Variants in NELL1 observed in about 807,000 individuals in gnomAD.
The protein encoded by NELL1 is neural EGFL like 1.
In NELL1, 76 loss-of-function variants were observed where a neutral mutation model predicts 107.4. That is an observed-to-expected ratio of 0.71 (90% CI 0.59 to 0.86). The LOEUF (loss-of-function observed/expected upper bound fraction) is 0.86, where lower values mean the gene tolerates loss of function less well. Among genes scored for constraint, NELL1 ranks in the 40% least tolerant of loss-of-function variants. The pLI is 0.00. For synonymous variants in NELL1, 353 were observed against 341.2 expected, an observed-to-expected ratio of 1.03 and a Z score of -0.38; for missense variants, 1,024 against 1,005.5, an observed-to-expected ratio of 1.02 and a Z score of -0.25.
At chr11:21,408,952 G>A (rs1279387664) in intron 15 of NELL1, among the ~76,000 whole-genome samples, 5 of 151,876 alleles carry the variant, frequency 3.3e-5, no homozygotes, top group Non-Finnish European at 7.4e-5. Context: ...AGAGGATGTG[G>A]AGAAATAGGA....
At chr11:21,450,651 CA>C (rs1564899937) in intron 15 of NELL1, among the ~76,000 whole-genome samples, 1 of 152,136 alleles carries the variant, frequency 6.6e-6, no homozygotes, top group Non-Finnish European at 1.5e-5. Flanking sequence ...CCTGAAACAT[CA>C]CCACGTTCAT....
intron 8 of NELL1, 110 bp from the exon 9 acceptor site, chr11:20,928,267 C>A: frequency 2.0e-6 from 2 of 986,996 alleles, no homozygotes; most frequent in South Asian, 1.3e-5. Context: ...AATTCGAATA[C>A]TGCTTCTGTT....
intron 15 of NELL1, among the ~76,000 whole-genome samples, chr11:21,532,161 G>C (rs1314384782): frequency 6.6e-6 from 1 of 152,134 alleles, no homozygotes; most frequent in African/African-American, 2.4e-5. Context: ...GGCAAAATGG[G>C]CTTCTCCACT....
intron 15 of NELL1, among the ~76,000 whole-genome samples, chr11:21,497,679 AAT>A (rs1855018616): frequency 6.6e-6 from 1 of 152,142 alleles, no homozygotes; most frequent in Non-Finnish European, 1.5e-5. Context: ...ATATAAATCA[AAT>A]ATCATATATT....
Position 20,819,505 on chromosome 11 carries a change from A to G in NELL1, c.336-28078A>G, listed in dbSNP as rs553805665. Among the ~76,000 whole-genome samples the G allele has an allele frequency of 2.0e-5, 3 of 152,324 alleles. No individual in the cohort carries two copies. The South Asian group carries it at 6.2e-4, about 32-fold the overall frequency. On this transcript the variant is annotated intron_variant, in intron 3 of 19. Transcript: ENST00000357134. ...TGAGGGCAATGTGTGGGAGCTCTCT[A>G]CTTGTCAAGATTCAGAGGCAGAAAG...
At chr11:21,341,901 G>A (rs530591854) in intron 14 of NELL1, among the ~76,000 whole-genome samples, 19 of 152,080 alleles carry the variant, frequency 1.2e-4, no homozygotes, top group East Asian at 3.9e-4. Context: ...TCTTGTTCAC[G>A]TTTTCTAAAC....
chr11:20,869,041 T>C (rs78496384), intron 4 of NELL1, among the ~76,000 whole-genome samples: 1 of 152,306 alleles, frequency 6.6e-6, no homozygotes, highest in African/African-American at 2.4e-5. Context: ...GGTCCAGCGG[T>C]TGGAAGCAAA....
chr11:20,945,854 G>A (rs1850951180), intron 10 of NELL1, among the ~76,000 whole-genome samples: 1 of 152,176 alleles, frequency 6.6e-6, no homozygotes, highest in Admixed American at 6.5e-5. Flanking sequence ...GTGGGGCAGA[G>A]TGAGTAGCAG....
chr11:21,477,942 G>A (rs1231835688), intron 15 of NELL1, among the ~76,000 whole-genome samples: 1 of 150,136 alleles, frequency 6.7e-6, no homozygotes, highest in Non-Finnish European at 1.5e-5. Flanking sequence ...AAATTCTGGA[G>A]TTGAAAAATG....
At chr11:21,440,177 A>T (rs1853243147) in intron 15 of NELL1, among the ~76,000 whole-genome samples, 1 of 152,166 alleles carries the variant, frequency 6.6e-6, no homozygotes, top group Non-Finnish European at 1.5e-5. Context: ...TAGTAGATTT[A>T]CCTAAACTAA....
chr11:20,969,206 C>T (rs924204538), intron 12 of NELL1, among the ~76,000 whole-genome samples: 2 of 152,028 alleles, frequency 1.3e-5, no homozygotes, highest in Non-Finnish European at 2.9e-5. Context: ...TTCCCTGTGC[C>T]CCCCACTGTA....
chr11:21,096,922 G>C (rs920090021), intron 12 of NELL1, among the ~76,000 whole-genome samples: 8 of 151,778 alleles, frequency 5.3e-5, no homozygotes, highest in Non-Finnish European at 1.0e-4. Flanking sequence ...TTGTTGTGTT[G>C]TCCTGGCTGG....
chr11:21,040,527 G>T (rs887531326), intron 12 of NELL1, among the ~76,000 whole-genome samples: 3 of 152,014 alleles, frequency 2.0e-5, no homozygotes, highest in Non-Finnish European at 4.4e-5. Flanking sequence ...TGGATTTGTT[G>T]GTAGTCCTGG....
intron 12 of NELL1, among the ~76,000 whole-genome samples, chr11:20,977,965 G>T (rs1193069413): frequency 6.6e-6 from 1 of 152,146 alleles, no homozygotes; most frequent in African/African-American, 2.4e-5. Context: ...CTTGCCTGAG[G>T]TCATCTAGCT....
intron 3 of NELL1, among the ~76,000 whole-genome samples, chr11:20,842,098 T>A (rs1457201302): frequency 6.6e-6 from 1 of 152,034 alleles, no homozygotes; most frequent in African/African-American, 2.4e-5. Flanking sequence ...CAGCATGGGC[T>A]GGGTGCGGTG....
At chr11:20,792,436 G>A (rs1590299064) in intron 3 of NELL1, among the ~76,000 whole-genome samples, 2 of 151,942 alleles carry the variant, frequency 1.3e-5, no homozygotes, top group African/African-American at 4.8e-5. Flanking sequence ...ACTTTAATAA[G>A]GTCCTCTGTT....
At chr11:21,303,270 T>C (rs189846475) in intron 14 of NELL1, among the ~76,000 whole-genome samples, 259 of 152,150 alleles carry the variant, frequency 1.7e-3, no homozygotes, top group African/African-American at 6.0e-3. Context: ...GAATGCATGT[T>C]TGTAGATAAA....
intron 13 of NELL1, chr11:21,169,886 G>A (rs2133810671): frequency 7.0e-7 from 1 of 1,429,846 alleles, no homozygotes; most frequent in Non-Finnish European, 9.8e-7. Context: ...CCCAGCACTG[G>A]CAGATGTCCC....
At chr11:20,966,792 C>G (rs1403484101) in intron 12 of NELL1, among the ~76,000 whole-genome samples, 2 of 152,108 alleles carry the variant, frequency 1.3e-5, no homozygotes, top group Non-Finnish European at 2.9e-5. Flanking sequence ...TATTCCTGCT[C>G]TCCTACCCAC....
Sources: gnomAD v4.1 joint callset for allele counts (sites outside exome capture counted in the v4.1 genomes callset) on GRCh38, gnomAD v4.1.1 for gene constraint, MANE v1.5 for transcripts, NCBI Gene and HGNC (gene_info 2026-07-23, HGNC 2026-07-21) for gene names.